The following DAGLB variants were observed in gnomAD, a reference collection of about 807,000 sequenced individuals.
DAGLB encodes diacylglycerol lipase-beta.
Under a neutral mutation model 72.1 loss-of-function variants are expected in DAGLB, and 66 were observed. That is an observed-to-expected ratio of 0.92 (90% CI 0.75 to 1.12). DAGLB has a LOEUF of 1.12. DAGLB is among the 50% of genes most tolerant of loss of function. The pLI, the probability that DAGLB is intolerant of heterozygous loss-of-function variation, is 0.00. For missense variants in DAGLB, 1,065 were observed against 884.9 expected (o/e 1.20, Z -2.58); for synonymous variants, 414 against 359.5 (o/e 1.15, Z -1.71).
At chr7:6,443,211 AAAAAC>A (rs1320475402) in intron 2 of DAGLB, among the ~76,000 whole-genome samples, 1 of 149,858 alleles carries the variant, frequency 6.7e-6, no homozygotes, top group African/African-American at 2.5e-5. Context: ...AAAAAACAAA[AAAAAC>A]AAAACAAAAC....
intron 2 of DAGLB, among the ~76,000 whole-genome samples, chr7:6,445,439 A>T (rs1784968043): frequency 6.6e-6 from 1 of 152,206 alleles, no homozygotes; most frequent in African/African-American, 2.4e-5. Context: ...ACAGACAGAA[A>T]GCAAATTAGT....
chr7:6,426,466 C>T (rs576964631), intron 6 of DAGLB, among the ~76,000 whole-genome samples: 8 of 152,284 alleles, frequency 5.3e-5, no homozygotes, highest in Admixed American at 2.0e-4. Flanking sequence ...GATAGAGTTT[C>T]GCCATGTTGG....
chr7:6,410,067 C>T (rs377478824), intron 14 of DAGLB, 32 bp from the exon 15 acceptor site: 46 of 1,600,344 alleles, frequency 2.9e-5, no homozygotes, highest in African/African-American at 6.7e-5. Flanking sequence ...AGCTCCCACG[C>T]GGCCCCAGGG....
In DAGLB at chr7:6,445,940, G is replaced by C; in HGVS notation, c.247+13C>G. 6.3e-7 allele frequency: 1 copy of C among 1,576,380 alleles called. No individual in the cohort carries two copies. The highest frequency in any genetic ancestry group is 8.6e-7 in the Non-Finnish European group (1 of 1,163,604). ...AAAAAAATAGGTATCAAATAGAAAA[G>C]GCTACTTTTTACCTCTCATGCTGAC... On this transcript the variant is annotated intron_variant, in intron 2 of 14. Coordinates refer to ENST00000297056, the MANE Select transcript of DAGLB (RefSeq NM_139179.4).
intron 6 of DAGLB, among the ~76,000 whole-genome samples, chr7:6,429,607 C>T (rs1030389512): frequency 6.6e-6 from 1 of 151,804 alleles, no homozygotes; most frequent in East Asian, 1.9e-4. Context: ...ACTAAACATA[C>T]AAAAATTACC....
chr7:6,417,012 G>C, intron 9 of DAGLB, 91 bp from the exon 10 acceptor site: 1 of 1,399,688 alleles, frequency 7.1e-7, no homozygotes. Flanking sequence ...GTGCACTGAT[G>C]TGTGAGTCTC....
chr7:6,442,217 G>C (rs1178739445), intron 2 of DAGLB, among the ~76,000 whole-genome samples: 1 of 152,130 alleles, frequency 6.6e-6, no homozygotes, highest in Admixed American at 6.6e-5. Context: ...GTATGTGTGG[G>C]ATGGGGGCAA....
intron 6 of DAGLB, among the ~76,000 whole-genome samples, chr7:6,428,074 C>CGGT (rs1784366897): frequency 6.6e-6 from 1 of 151,928 alleles, no homozygotes. Flanking sequence ...TGGCCAGGTG[C>CGGT]GGTGGCTCAT....
rs112450235 is a variant in DAGLB at position 6,424,898 on chromosome 7, C to A, written c.1057-63G>T. 3.2e-5 allele frequency: 49 copies of A among 1,546,242 alleles called. No individual in the cohort carries two copies. In the African/African-American group the frequency reaches 5.0e-4, roughly 16 times the overall value. On this transcript the variant is annotated intron_variant, in intron 7 of 14. Transcript: ENST00000297056. ...GAACACACGCACCAGCACGCAAAGTCGGAGCCCTGCAGTGTCTGCAATGAC... is the reference window on the plus strand; with the variant it reads ...GAACACACGCACCAGCACGCAAAGTAGGAGCCCTGCAGTGTCTGCAATGAC...
At chr7:6,442,752 T>C (rs908600178) in intron 2 of DAGLB, among the ~76,000 whole-genome samples, 1 of 152,108 alleles carries the variant, frequency 6.6e-6, no homozygotes, top group African/African-American at 2.4e-5. Context: ...TCTAGAGGCA[T>C]ACTAAAATAC....
At chr7:6,428,332 A>AG (rs1554267343) in intron 6 of DAGLB, among the ~76,000 whole-genome samples, 19 of 150,438 alleles carry the variant, frequency 1.3e-4, no homozygotes, top group African/African-American at 4.1e-4. Context: ...AAAAAAAAAA[A>AG]AAAGAAAGAA....
rs948893762 is a variant in DAGLB, at chr7:6,420,138, C to A, written c.1218+1589G>T. Among the ~76,000 whole-genome samples the A allele has an allele frequency of 5.9e-5, 9 of 151,858 alleles. No individual in the cohort carries two copies. The East Asian group carries it at 1.7e-3, about 29-fold the overall frequency. On this transcript the variant is annotated intron_variant, in intron 9 of 14. Transcript: ENST00000297056. ...CTCAAGCCTGGGTGACAGAACAAGACCCTGTCTCAGAAACAAAAACAGTCC... is the reference window on the plus strand; with the variant it reads ...CTCAAGCCTGGGTGACAGAACAAGAACCTGTCTCAGAAACAAAAACAGTCC...
intron 5 of DAGLB, among the ~76,000 whole-genome samples, chr7:6,431,852 G>A (rs1477439511): frequency 6.6e-6 from 1 of 152,126 alleles, no homozygotes; most frequent in African/African-American, 2.4e-5. Context: ...AGTTGATAAC[G>A]AAGATGCCTC....
chr7:6,421,964 C>T (rs1402500267), intron 8 of DAGLB, 160 bp from the exon 9 acceptor site: 4 of 804,506 alleles, frequency 5.0e-6, no homozygotes, highest in Non-Finnish European at 8.3e-6. Context: ...AGAGGGAAAC[C>T]CAGCGGTGGC....
chr7:6,438,063 T>C (rs1251114719), intron 2 of DAGLB, among the ~76,000 whole-genome samples: 2 of 152,176 alleles, frequency 1.3e-5, no homozygotes, highest in Non-Finnish European at 2.9e-5. Context: ...GGGACATGGA[T>C]GAAGCTGGAA....
Position 6,439,099 on chromosome 7 carries a change from T to G in DAGLB, c.248-2566A>C, listed in dbSNP as rs563011946. Among the ~76,000 whole-genome samples, 38 of 151,596 alleles carry G rather than the reference T, an allele frequency of 2.5e-4. No individual in the cohort carries two copies. The Middle Eastern group carries it at 0.014, about 55-fold the overall frequency. On this transcript the variant is annotated intron_variant, in intron 2 of 14. Coordinates refer to ENST00000297056, the MANE Select transcript of DAGLB (RefSeq NM_139179.4). Reference sequence around the variant, plus strand: ...GTGAAACCTCATCTCTACTAAAATATAAAAAATTAGCCAGGCATGGTGGTG... The same window carrying G: ...GTGAAACCTCATCTCTACTAAAATAGAAAAAATTAGCCAGGCATGGTGGTG...
intron 11 of DAGLB, 47 bp downstream of exon 11, chr7:6,416,580 A>G (rs1368513522): frequency 6.4e-7 from 1 of 1,551,454 alleles, no homozygotes; most frequent in African/African-American, 1.4e-5. Context: ...TCTTGACCAC[A>G]TGACTTGTAA....
At chr7:6,418,669 T>TG (rs1562480193) in intron 9 of DAGLB, among the ~76,000 whole-genome samples, 1 of 119,962 alleles carries the variant, frequency 8.3e-6, no homozygotes, top group Non-Finnish European at 1.5e-5. Flanking sequence ...TTTCTTTTTT[T>TG]GTTTTTTTTT....
intron 2 of DAGLB, among the ~76,000 whole-genome samples, chr7:6,443,176 G>A (rs575903928): frequency 4.4e-4 from 61 of 138,724 alleles, no homozygotes; most frequent in Admixed American, 7.1e-4. Context: ...GTGAAAGAGC[G>A]AGACTCCATC....
Sources: allele counts gnomAD v4.1 joint callset (sites outside exome capture counted in the v4.1 genomes callset), GRCh38; gene constraint gnomAD v4.1.1; transcripts MANE v1.5; gene names NCBI Gene and HGNC (gene_info 2026-07-23, HGNC 2026-07-21).